Variants in EML4 observed in about 807,000 individuals in gnomAD.
The protein encoded by EML4 is echinoderm microtubule-associated protein-like 4.
Under a neutral mutation model 129.0 loss-of-function variants are expected in EML4, and 72 were observed. That is an observed-to-expected ratio of 0.56 (90% confidence interval 0.46 to 0.68). The LOEUF (loss-of-function observed/expected upper bound fraction) is 0.68, where lower values mean the gene tolerates loss of function less well. Ranked by LOEUF, EML4 falls within the 30% of genes least tolerant of loss-of-function variation. The probability of loss-of-function intolerance (pLI) is 0.00; values close to 1 mark genes in which losing one functional copy is unlikely to be tolerated. For missense variants in EML4, 1,363 were observed against 1,190.6 expected (o/e 1.14, Z -2.13); for synonymous variants, 532 against 405.0 (o/e 1.31, Z -3.77).
intron 19 of EML4, among the ~76,000 whole-genome samples, chr2:42,321,586 A>G (rs1205562637): frequency 6.6e-6 from 1 of 152,022 alleles, no homozygotes; most frequent in Non-Finnish European, 1.5e-5. Context: ...CAAGTGACAA[A>G]AGAGCACTCC....
intron 10 of EML4, among the ~76,000 whole-genome samples, chr2:42,287,844 T>C (rs766355667): frequency 6.6e-6 from 1 of 152,156 alleles, no homozygotes; most frequent in Non-Finnish European, 1.5e-5. Context: ...AACAAAGTTA[T>C]GAAATTGTGT....
At position 42,219,247 on chromosome 2, in the gene EML4, T is replaced by TA. The variant is rs1361830251; in HGVS notation, c.26-26257dup. ...AGTTTGAACTGGGCAGGTCCACTGA[T>TA]ATGTGGATTTTTTCAACCAAACGTG... On this transcript the variant is annotated intron_variant, in intron 1 of 22. Coordinates refer to ENST00000318522, the MANE Select transcript of EML4 (RefSeq NM_019063.5). 4.6e-5 allele frequency among the ~76,000 whole-genome samples: 7 copies of TA among 152,186 alleles called. No homozygotes were observed. The South Asian group carries it at 6.2e-4, about 14-fold the overall frequency.
At chr2:42,177,960 A>G (rs1670701433) in intron 1 of EML4, among the ~76,000 whole-genome samples, 1 of 152,206 alleles carries the variant, frequency 6.6e-6, no homozygotes, top group Non-Finnish European at 1.5e-5. Flanking sequence ...AATCAGATGA[A>G]AGATACATTT....
At chr2:42,261,746 A>G (rs1264346127) in intron 4 of EML4, among the ~76,000 whole-genome samples, 1 of 152,152 alleles carries the variant, frequency 6.6e-6, no homozygotes, top group Non-Finnish European at 1.5e-5. Flanking sequence ...CTGTGGCTGC[A>G]TCTCAGTTTC....
intron 6 of EML4, among the ~76,000 whole-genome samples, chr2:42,274,876 A>G (rs1666573573): frequency 6.6e-6 from 1 of 152,198 alleles, no homozygotes; most frequent in South Asian, 2.1e-4. Context: ...AAAGTGCAAC[A>G]TCAAGTATTT....
chr2:42,321,243 CGTGGTGGCGGGT>C (rs1558610874), intron 19 of EML4, among the ~76,000 whole-genome samples: 1 of 151,898 alleles, frequency 6.6e-6, no homozygotes, highest in African/African-American at 2.4e-5. Flanking sequence ...ATTAGCCGGG[CGTGGTGGCGGGT>C]GCCTGTAGTC....
In EML4 at chr2:42,198,988, A is replaced by C. The variant is rs77774128; in HGVS notation, c.25+29352A>C. On this transcript the variant is annotated intron_variant, in intron 1 of 22. Coordinates refer to ENST00000318522, the MANE Select transcript of EML4 (RefSeq NM_019063.5). ...AGGGGCCAAAAGTTGAAAGTATTGC[A>C]GTGAGAGTGGTTGAAGTTATGTATC... 6.6e-3 allele frequency among the ~76,000 whole-genome samples: 1,006 copies of C among 152,324 alleles called. 5 individuals are homozygous for C. The highest frequency in any genetic ancestry group is 8.7e-3 in the Non-Finnish European group (595 of 68,030).
intron 1 of EML4, among the ~76,000 whole-genome samples, chr2:42,186,342 A>G (rs763354759): frequency 3.5e-5 from 5 of 144,808 alleles, no homozygotes; most frequent in South Asian, 2.1e-4. Flanking sequence ...TTATACTTGA[A>G]AAAAAAAAAC....
intron 8 of EML4, among the ~76,000 whole-genome samples, chr2:42,283,696 G>C (rs1667139040): frequency 6.6e-6 from 1 of 152,062 alleles, no homozygotes; most frequent in Non-Finnish European, 1.5e-5. Context: ...TTTTGGAGTT[G>C]ATTAAAATAT....
chr2:42,210,576 T>C (rs1182283439), intron 1 of EML4, among the ~76,000 whole-genome samples: 4 of 152,254 alleles, frequency 2.6e-5, no homozygotes, highest in African/African-American at 4.8e-5. Context: ...TGTGGAGTTA[T>C]GCTTCACTTC....
chr2:42,251,116 GCTGTCTGGC>G (rs561628403), intron 2 of EML4, among the ~76,000 whole-genome samples: 1 of 152,306 alleles, frequency 6.6e-6, no homozygotes, highest in South Asian at 2.1e-4. Flanking sequence ...CTCACCTCCT[GCTGTCTGGC>G]CTGGTTTCTA....
In EML4 at chr2:42,323,452, C is replaced by G. The variant is rs1248498656; in HGVS notation, c.2155-2015C>G. Among the ~76,000 whole-genome samples, 4 of 152,170 alleles carry G rather than the reference C, an allele frequency of 2.6e-5. No homozygotes were observed. The East Asian group carries it at 7.7e-4, about 29-fold the overall frequency. Reference sequence around the variant, plus strand: ...AGTGATTTCAGAAAGCTTCACTTCTCAGATTCATATAATTTAAATTGGTTT... The same window carrying G: ...AGTGATTTCAGAAAGCTTCACTTCTGAGATTCATATAATTTAAATTGGTTT... On this transcript the variant is annotated intron_variant, in intron 19 of 22. Coordinates refer to ENST00000318522, the MANE Select transcript of EML4 (RefSeq NM_019063.5).
rs1668604190 is a variant in EML4 at position 42,306,491 on chromosome 2, T to A, written c.1967+1940T>A. Reference sequence around the variant, plus strand: ...ATGACCTTGTGCTAAATCCTTTTTTTTTTTTTTTTTTTTTTTTTTGAGATA... The same window carrying A: ...ATGACCTTGTGCTAAATCCTTTTTTATTTTTTTTTTTTTTTTTTTGAGATA... On this transcript the variant is annotated intron_variant, in intron 17 of 22. Coordinates refer to ENST00000318522, the MANE Select transcript of EML4 (RefSeq NM_019063.5). Among the ~76,000 whole-genome samples the A allele has an allele frequency of 2.7e-5, 2 of 72,878 alleles. 1 individual carries two copies. The highest frequency in any genetic ancestry group is 4.9e-5 in the Non-Finnish European group (2 of 40,560). 47.8% of individuals were successfully genotyped at this position (72,878 alleles called of 152,430 possible).
At chr2:42,279,519 G>A (rs1045169880) in intron 6 of EML4, among the ~76,000 whole-genome samples, 3 of 151,260 alleles carry the variant, frequency 2.0e-5, no homozygotes, top group Non-Finnish European at 4.4e-5. Flanking sequence ...GTGCAGTGGC[G>A]CGATCTTGGC....
chr2:42,315,232 C>T (rs763243553), intron 17 of EML4, among the ~76,000 whole-genome samples: 4 of 152,202 alleles, frequency 2.6e-5, no homozygotes, highest in African/African-American at 9.6e-5. Flanking sequence ...TGTTTTTCTG[C>T]TGCTATCATT....
intron 1 of EML4, among the ~76,000 whole-genome samples, chr2:42,236,432 A>G (rs937837968): frequency 6.6e-6 from 1 of 152,156 alleles, no homozygotes; most frequent in African/African-American, 2.4e-5. Context: ...GTTTCTCTAG[A>G]ACAGAGACTG....
At chr2:42,226,493 A>G (rs1396549082) in intron 1 of EML4, among the ~76,000 whole-genome samples, 1 of 151,418 alleles carries the variant, frequency 6.6e-6, no homozygotes, top group Non-Finnish European at 1.5e-5. Context: ...CCCTGTCTCT[A>G]CTAAAAATAC....
intron 1 of EML4, among the ~76,000 whole-genome samples, chr2:42,223,049 A>C (rs555798693): frequency 6.6e-6 from 1 of 151,820 alleles, no homozygotes; most frequent in East Asian, 1.9e-4. Context: ...TCCGCCCTCC[A>C]CCCCTTCGGC....
rs369220070 is a variant in EML4, at chr2:42,326,218, G to A, written c.2307G>A (p.Thr769=). Reference sequence around the variant, plus strand: ...CGGATTGTAAGGACATTGATTGGACGACATATACCTGTGTGCTAGGATTTC... The same window carrying A: ...CGGATTGTAAGGACATTGATTGGACAACATATACCTGTGTGCTAGGATTTC... ...NRSDCKDIDW[T]TYTCVLGFQV... is the part of the protein sequence containing the mutation. The change falls in exon 21 of 23, where the codon ACG becomes ACA. Residue 769 remains threonine (T), a synonymous_variant. Transcript: ENST00000318522. The A allele has an allele frequency of 5.6e-6, 9 of 1,613,064 alleles. No individual in the cohort carries two copies. Among genetic ancestry groups the A allele is most frequent in the South Asian group, 2.2e-5 (2 of 90,964 alleles).
Sources: gnomAD v4.1 joint callset for allele counts (sites outside exome capture counted in the v4.1 genomes callset) on GRCh38, gnomAD v4.1.1 for gene constraint, MANE v1.5 for transcripts, NCBI Gene and HGNC (gene_info 2026-07-23, HGNC 2026-07-21) for gene names.